The following EIF5A variants were observed in gnomAD, a reference collection of about 807,000 sequenced individuals.
EIF5A encodes the protein eukaryotic translation initiation factor 5A-1.
EIF5A carries 1 observed loss-of-function variant against 16.6 expected under a neutral mutation model. That is an observed-to-expected ratio of 0.06 (90% CI 0.02 to 0.28). EIF5A has a LOEUF of 0.28. Ranked by LOEUF, EIF5A falls within the 10% of genes least tolerant of loss-of-function variation. The pLI, the probability that EIF5A is intolerant of heterozygous loss-of-function variation, is 1.00. For synonymous variants in EIF5A, 80 were observed against 73.6 expected (o/e 1.09, Z -0.44); for missense variants, 29 against 196.1 (o/e 0.15, Z 5.09).
At position 7,307,679 on chromosome 17, in the gene EIF5A, G is replaced by GGCGGCGGCGGCA. The variant is rs2072665381; in HGVS notation, c.-90_-89insGGCGGCAGCGGC. The GGCGGCGGCGGCA allele has an allele frequency of 9.5e-7, 1 of 1,051,030 alleles. No homozygotes were observed. The highest frequency in any genetic ancestry group is 1.7e-5 in the African/African-American group (1 of 57,836). 65.1% of individuals were successfully genotyped at this position (1,051,030 alleles called of 1,614,324 possible). On this transcript the variant is annotated 5_prime_UTR_variant, in exon 1 of 6. Transcript: ENST00000336458. ...CGGCGGCGGTAGAGGCGGCGGCGGC[G>GGCGGCGGCGGCA]GCGGCAGCGGGCTCGGAGGCAGCGG...
chr17:7,311,193 G>A lies in EIF5A; in HGVS notation c.270+71G>A. 3 of 1,586,094 alleles carry A rather than the reference G, an allele frequency of 1.9e-6. No homozygotes were observed. In the South Asian group the frequency reaches 3.4e-5, roughly 18 times the overall value. ...AGGGAGGGGTTGGGGGATAGGGACT[G>A]ACCAGGAGAGCTTGTGCTGGGAGAG... On this transcript the variant is annotated intron_variant, in intron 3 of 5. Coordinates refer to ENST00000336458, the MANE Select transcript of EIF5A (RefSeq NM_001970.5).
rs908574560 is a variant in EIF5A at position 7,310,811 on chromosome 17, C to T, written c.166-207C>T. On this transcript the variant is annotated intron_variant, in intron 2 of 5. Coordinates refer to ENST00000336458, the MANE Select transcript of EIF5A (RefSeq NM_001970.5). Reference sequence around the variant, plus strand: ...TGCAGTTTTCTATTGTGCTGTCAACCCCAATCTCAACGGTGGTTTTTTAGC... The same window carrying T: ...TGCAGTTTTCTATTGTGCTGTCAACTCCAATCTCAACGGTGGTTTTTTAGC... 39 of 985,258 alleles carry T rather than the reference C, an allele frequency of 4.0e-5. No individual in the cohort carries two copies. In the African/African-American group the frequency reaches 6.6e-4, roughly 17 times the overall value. The allele number at this position is 985,258 out of a possible 1,614,324, so 61.0% of individuals were successfully genotyped here. A position where few individuals can be genotyped will look rare whatever the true frequency, so the allele number is the denominator to read the frequency against.
At chr17:7,307,240 T>G (rs1043028786), upstream of EIF5A, 31 of 1,249,644 alleles carry the variant, frequency 2.5e-5, no homozygotes, top group Non-Finnish European at 3.2e-5. Context: ...GCGTCTGAGG[T>G]GGAAGGGGTT....
At chr17:7,307,070 T>C (rs1189733700), upstream of EIF5A, 8 of 1,604,316 alleles carry the variant, frequency 5.0e-6, no homozygotes, top group Non-Finnish European at 6.8e-6. Flanking sequence ...GGGGGACTGA[T>C]TCCAAGACAA....
intron 1 of EIF5A, chr17:7,308,640 C>T (rs1265719404): frequency 7.6e-7 from 1 of 1,315,278 alleles, no homozygotes; most frequent in Non-Finnish European, 1.0e-6. Context: ...TGGACAGGAG[C>T]CCAACTTTTC....
chr17:7,309,518 TAA>T, intron 1 of EIF5A, 95 bp from the exon 2 acceptor site: 1 of 1,513,502 alleles, frequency 6.6e-7, no homozygotes, highest in Non-Finnish European at 9.0e-7. Context: ...GGTAATGGAA[TAA>T]AGAGTTGGGA....
At chr17:7,310,828 T>A (rs909537593) in intron 2 of EIF5A, 190 bp from the exon 3 acceptor site, 7 of 985,234 alleles carry the variant, frequency 7.1e-6, no homozygotes, top group Non-Finnish European at 7.2e-6. Flanking sequence ...TCAACGGTGG[T>A]TTTTTAGCCT....
chr17:7,310,407 T>C (rs2072784080), intron 2 of EIF5A: 2 of 1,184,900 alleles, frequency 1.7e-6, no homozygotes, highest in South Asian at 1.6e-5. Context: ...AGACTTTTCC[T>C]GTCTCTTTAG....
At chr17:7,308,942 C>G (rs1161661991) in intron 1 of EIF5A, among the ~76,000 whole-genome samples, 1 of 152,324 alleles carries the variant, frequency 6.6e-6, no homozygotes, top group East Asian at 1.9e-4. Context: ...AGTGGGAGGG[C>G]CTTCCAGGAG....
chr17:7,310,194 G>A (rs540880813), intron 2 of EIF5A: 11 of 1,292,012 alleles, frequency 8.5e-6, no homozygotes, highest in South Asian at 2.5e-5. Context: ...CCAATTCTAC[G>A]CCTTCCCCTG....
At chr17:7,308,142 G>A in intron 1 of EIF5A, 9 of 285,406 alleles carry the variant, frequency 3.2e-5, no homozygotes, top group South Asian at 5.6e-5. Flanking sequence ...CGGTGAGAGG[G>A]CATGATGGGG....
intron 2 of EIF5A, 95 bp downstream of exon 2, chr17:7,309,895 A>C (rs751032782): frequency 2.5e-5 from 40 of 1,612,104 alleles, no homozygotes; most frequent in Non-Finnish European, 3.3e-5. Context: ...CTTTCCTTTA[A>C]CTCTGCTTTT....
At chr17:7,307,367 A>G, upstream of EIF5A, 7 of 1,241,778 alleles carry the variant, frequency 5.6e-6, no homozygotes, top group Non-Finnish European at 6.1e-6. Context: ...CGAGCGGTCT[A>G]TCAAGGGGAG....
chr17:7,310,839 CTGTT>C, intron 2 of EIF5A, 175 bp from the exon 3 acceptor site: 1 of 985,376 alleles, frequency 1.0e-6, no homozygotes, highest in Non-Finnish European at 1.2e-6. Context: ...TTTTTAGCCT[CTGTT>C]TTTTTTCTTT....
At chr17:7,307,387 G>C (rs1215525878), upstream of EIF5A, 1 of 1,203,158 alleles carries the variant, frequency 8.3e-7, no homozygotes, top group South Asian at 3.2e-5. Flanking sequence ...GGGAAGATGA[G>C]GTTGAAGAGA....
At chr17:7,307,505 G>A, upstream of EIF5A, 1 of 1,028,732 alleles carries the variant, frequency 9.7e-7, no homozygotes, top group Non-Finnish European at 1.2e-6. Flanking sequence ...TGGGAGGGAG[G>A]GTGGAGATGG....
At position 7,311,367 on chromosome 17, in the gene EIF5A, T is replaced by C; in HGVS notation, c.288T>C (p.Asp96=). ...GCCCCCAGCTGATTGGCATCCAGGA[T>C]GGGTACCTATCACTGCTCCAGGACA... is the stretch of plus-strand genomic sequence containing the variant. ...RNDFQLIGIQ[D]GYLSLLQDSG... is the part of the protein sequence containing the mutation. The change falls in exon 4 of 6, where the codon GAT becomes GAC. Residue 96 remains aspartate (D), a synonymous_variant. Coordinates refer to ENST00000336458, the MANE Select transcript of EIF5A (RefSeq NM_001970.5). 1 of 1,614,134 alleles carries C rather than the reference T, an allele frequency of 6.2e-7. No individual in the cohort carries two copies. The highest frequency in any genetic ancestry group is 8.5e-7 in the Non-Finnish European group (1 of 1,180,012).
chr17:7,307,569 G>C, upstream of EIF5A: 2 of 1,006,400 alleles, frequency 2.0e-6, no homozygotes, highest in Non-Finnish European at 2.4e-6. Context: ...GAGATAGATA[G>C]CACGCTTGCG....
upstream of EIF5A, chr17:7,307,248 G>A (rs2072650830): frequency 1.6e-6 from 2 of 1,240,332 alleles, no homozygotes; most frequent in South Asian, 3.4e-5. Context: ...GGTGGAAGGG[G>A]TTGTTTAGGA....
Sources: gnomAD v4.1 joint callset for allele counts (sites outside exome capture counted in the v4.1 genomes callset) on GRCh38, gnomAD v4.1.1 for gene constraint, MANE v1.5 for transcripts, NCBI Gene and HGNC (gene_info 2026-07-23, HGNC 2026-07-21) for gene names.